ARFIP1: variants seen among roughly 807,000 people sequenced by gnomAD.
ARFIP1 encodes the protein arfaptin-1.
Under a neutral mutation model 42.5 loss-of-function variants are expected in ARFIP1, and 24 were observed. The ratio of observed to expected loss-of-function variants is 0.57; its 90% CI spans 0.41 to 0.80. ARFIP1 has a LOEUF of 0.80. ARFIP1 is among the 30% of genes least tolerant of loss of function. The pLI, the probability that ARFIP1 is intolerant of heterozygous loss-of-function variation, is 0.00. For synonymous variants in ARFIP1, 141 were observed against 153.7 expected (o/e 0.92, Z 0.61); for missense variants, 354 against 434.0 (o/e 0.82, Z 1.64).
intron 3 of ARFIP1, among the ~76,000 whole-genome samples, chr4:152,866,120 C>T (rs1734309717): frequency 6.6e-6 from 1 of 152,074 alleles, no homozygotes; most frequent in Non-Finnish European, 1.5e-5. Context: ...GCACATCTTG[C>T]ACCGCCCTTA....
intron 8 of ARFIP1, among the ~76,000 whole-genome samples, chr4:152,894,875 G>A (rs955281343): frequency 1.3e-5 from 2 of 152,148 alleles, no homozygotes; most frequent in African/African-American, 4.8e-5. Flanking sequence ...GAGTGATGCC[G>A]AACACTAACA....
At chr4:152,890,131 T>C (rs929054353) in intron 8 of ARFIP1, among the ~76,000 whole-genome samples, 2 of 151,838 alleles carry the variant, frequency 1.3e-5, no homozygotes, top group Admixed American at 6.6e-5. Context: ...ACGTGTTTGA[T>C]AGAAAAGTAG....
intron 1 of ARFIP1, among the ~76,000 whole-genome samples, chr4:152,787,074 A>G (rs1730852807): frequency 6.6e-6 from 1 of 152,212 alleles, no homozygotes; most frequent in East Asian, 1.9e-4. Context: ...TATAAACTTC[A>G]TGAAGGTAAG....
At chr4:152,866,439 G>A (rs1734348790) in intron 3 of ARFIP1, among the ~76,000 whole-genome samples, 1 of 152,024 alleles carries the variant, frequency 6.6e-6, no homozygotes, top group Non-Finnish European at 1.5e-5. Context: ...TTCCCAGTAG[G>A]GGCGGCCGGG....
Position 152,876,826 on chromosome 4 carries a change from A to G in ARFIP1, c.412-4137A>G, listed in dbSNP as rs1441485526. Among the ~76,000 whole-genome samples the G allele has an allele frequency of 2.0e-5, 3 of 152,326 alleles. No individual in the cohort carries two copies. The East Asian group carries it at 5.8e-4, about 29-fold the overall frequency. On this transcript the variant is annotated intron_variant, in intron 5 of 8. Coordinates refer to ENST00000353617, the MANE Select transcript of ARFIP1 (RefSeq NM_001025595.3). ...GCCCTGTGTCCTAGCCGCTCCAGCC[A>G]TGGCTGAAAGGGGCCAATGTAGAGC... is the stretch of plus-strand genomic sequence containing the variant.
intron 8 of ARFIP1, among the ~76,000 whole-genome samples, chr4:152,893,201 C>T (rs1419499966): frequency 1.3e-5 from 2 of 152,094 alleles, no homozygotes; most frequent in South Asian, 2.1e-4. Flanking sequence ...ATTAGAGGCG[C>T]ACTACAGGGA....
intron 1 of ARFIP1, among the ~76,000 whole-genome samples, chr4:152,799,159 C>T (rs1348393751): frequency 6.6e-6 from 1 of 152,032 alleles, no homozygotes; most frequent in East Asian, 1.9e-4. Flanking sequence ...TTACATTTTG[C>T]CAAATAATTT....
intron 2 of ARFIP1, among the ~76,000 whole-genome samples, chr4:152,854,991 G>C (rs191017820): frequency 6.6e-6 from 1 of 152,332 alleles, no homozygotes. Context: ...AGGTGGGCAG[G>C]TTCTTGGACC....
intron 8 of ARFIP1, among the ~76,000 whole-genome samples, chr4:152,903,574 A>C (rs936325026): frequency 6.6e-6 from 1 of 152,016 alleles, no homozygotes; most frequent in Non-Finnish European, 1.5e-5. Context: ...TCTGATGTGC[A>C]TGTATACTTT....
At chr4:152,859,026 A>G (rs1048429797) in intron 2 of ARFIP1, among the ~76,000 whole-genome samples, 7 of 152,120 alleles carry the variant, frequency 4.6e-5, no homozygotes, top group Non-Finnish European at 7.4e-5. Flanking sequence ...CTTTTCCTTT[A>G]TAAGAGACAT....
rs1489016880 is a variant in ARFIP1, at chr4:152,842,688, C to T, written c.93+12962C>T. Among the ~76,000 whole-genome samples, 4 of 152,118 alleles carry T rather than the reference C, an allele frequency of 2.6e-5. No homozygotes were observed. The East Asian group carries it at 5.8e-4, about 22-fold the overall frequency. On this transcript the variant is annotated intron_variant, in intron 2 of 8. Transcript: ENST00000353617. ...TCGAGCTCGGAATTTCTTTCTTCTA[C>T]TTGTTCAATTCTGTTGCTGAGAATT...
chr4:152,841,301 T>A (rs1732054552), intron 2 of ARFIP1, among the ~76,000 whole-genome samples: 1 of 152,178 alleles, frequency 6.6e-6, no homozygotes, highest in African/African-American at 2.4e-5. Flanking sequence ...CCCAAAATGC[T>A]GGGATTACAG....
At chr4:152,905,663 C>T (rs1738295878) in intron 8 of ARFIP1, among the ~76,000 whole-genome samples, 1 of 146,154 alleles carries the variant, frequency 6.8e-6, no homozygotes, top group South Asian at 2.2e-4. Flanking sequence ...AGCGATTCTC[C>T]TGCCTCAGCC....
At chr4:152,864,216 A>G (rs1445357877) in intron 3 of ARFIP1, among the ~76,000 whole-genome samples, 1 of 152,136 alleles carries the variant, frequency 6.6e-6, no homozygotes, top group African/African-American at 2.4e-5. Flanking sequence ...CCTAAACTGT[A>G]GCTGTTGAAT....
At chr4:152,863,768 ACCAAATG>A (rs1406384737) in intron 3 of ARFIP1, 54 bp downstream of exon 3, 19 of 1,085,116 alleles carry the variant, frequency 1.8e-5, no homozygotes. Flanking sequence ...GGAGAAGTTC[ACCAAATG>A]CTACCTTTAT....
At chr4:152,885,092 T>G (rs559542194) in intron 7 of ARFIP1, among the ~76,000 whole-genome samples, 1 of 152,082 alleles carries the variant, frequency 6.6e-6, no homozygotes, top group African/African-American at 2.4e-5. Flanking sequence ...TTCTGTTGTT[T>G]ATGAAATAGC....
At chr4:152,843,248 GCA>G (rs1179133867) in intron 2 of ARFIP1, among the ~76,000 whole-genome samples, 2 of 152,180 alleles carry the variant, frequency 1.3e-5, no homozygotes, top group African/African-American at 4.8e-5. Context: ...GGGGTTATCT[GCA>G]CAGAGTCCTG....
At chr4:152,885,918 T>C (rs1373872323) in intron 7 of ARFIP1, among the ~76,000 whole-genome samples, 1 of 152,046 alleles carries the variant, frequency 6.6e-6, no homozygotes, top group African/African-American at 2.4e-5. Flanking sequence ...GTTTTATCTA[T>C]ATGAAGTTTT....
chr4:152,804,351 A>G (rs1578833278), intron 1 of ARFIP1, among the ~76,000 whole-genome samples: 1 of 95,352 alleles, frequency 1.0e-5, no homozygotes, highest in South Asian at 2.8e-4. Flanking sequence ...TATATAATAT[A>G]ACATGTATTA....
Sources: gnomAD v4.1 joint callset for allele counts (sites outside exome capture counted in the v4.1 genomes callset) on GRCh38, gnomAD v4.1.1 for gene constraint, MANE v1.5 for transcripts, NCBI Gene and HGNC (gene_info 2026-07-23, HGNC 2026-07-21) for gene names.